The following KCNB2 variants were observed in gnomAD, a reference collection of about 807,000 sequenced individuals.
KCNB2 encodes the protein potassium voltage-gated channel subfamily B member 2.
KCNB2 carries 15 observed loss-of-function variants against 61.5 expected under a neutral mutation model. The ratio of observed to expected loss-of-function variants is 0.24; its 90% CI spans 0.16 to 0.38. KCNB2 has a LOEUF of 0.38. Among genes scored for constraint, KCNB2 ranks in the 10% least tolerant of loss-of-function variants. The pLI is 1.00. For synonymous variants in KCNB2, 457 were observed against 446.0 expected, an observed-to-expected ratio of 1.02 and a Z score of -0.31; for missense variants, 828 against 1,125.2, an observed-to-expected ratio of 0.74 and a Z score of 3.78.
rs1370941213 is a variant in KCNB2 at position 72,859,726 on chromosome 8, T to G, written c.580-76209T>G. ...CATTTCGTTTTTTTTTTTTTTTTTT[T>G]TTTTTTTTTTGAGATGGAGTTTCGC... On this transcript the variant is annotated intron_variant, in intron 2 of 2. Transcript: ENST00000523207. Among the ~76,000 whole-genome samples the G allele has an allele frequency of 2.9e-5, 4 of 139,080 alleles. No individual in the cohort carries two copies. In the South Asian group the frequency reaches 9.8e-4, roughly 34 times the overall value. 91.2% of individuals were successfully genotyped at this position (139,080 alleles called of 152,430 possible). A position where few individuals can be genotyped will look rare whatever the true frequency, so the allele number is the denominator to read the frequency against.
chr8:72,651,840 T>C (rs979509284), intron 2 of KCNB2, among the ~76,000 whole-genome samples: 3 of 152,220 alleles, frequency 2.0e-5, no homozygotes, highest in South Asian at 4.1e-4. Context: ...TGTAACTGTC[T>C]ACTCAATCTC....
intron 2 of KCNB2, among the ~76,000 whole-genome samples, chr8:72,597,552 G>C (rs750909127): frequency 6.6e-6 from 1 of 152,182 alleles, no homozygotes; most frequent in Non-Finnish European, 1.5e-5. Flanking sequence ...TACCATTATA[G>C]AAATTGATTT....
At chr8:72,884,717 TATTTTC>T (rs1805773424) in intron 2 of KCNB2, among the ~76,000 whole-genome samples, 1 of 152,204 alleles carries the variant, frequency 6.6e-6, no homozygotes, top group African/African-American at 2.4e-5. Flanking sequence ...ATCCTATATG[TATTTTC>T]ATGTATGTTT....
chr8:72,629,418 A>T (rs527689991), intron 2 of KCNB2, among the ~76,000 whole-genome samples: 2 of 152,322 alleles, frequency 1.3e-5, no homozygotes, highest in African/African-American at 4.8e-5. Context: ...TGTTTTACAC[A>T]GTATCTCAAT....
chr8:72,598,213 C>G (rs1421620775), intron 2 of KCNB2, among the ~76,000 whole-genome samples: 2 of 152,144 alleles, frequency 1.3e-5, no homozygotes, highest in East Asian at 3.9e-4. Flanking sequence ...AAAATACTGG[C>G]AAACCGAATC....
chr8:72,814,701 T>C (rs907362465), intron 2 of KCNB2, among the ~76,000 whole-genome samples: 1 of 152,222 alleles, frequency 6.6e-6, no homozygotes, highest in Non-Finnish European at 1.5e-5. Context: ...TCATTTAGAT[T>C]GATACTAGGC....
intron 2 of KCNB2, among the ~76,000 whole-genome samples, chr8:72,866,180 T>G (rs1805514586): frequency 6.6e-6 from 1 of 152,196 alleles, no homozygotes; most frequent in Non-Finnish European, 1.5e-5. Flanking sequence ...ACTGTTCTCA[T>G]TGTGAAACTT....
chr8:72,775,948 A>G (rs541122378), intron 2 of KCNB2, among the ~76,000 whole-genome samples: 46 of 152,330 alleles, frequency 3.0e-4, no homozygotes, highest in Admixed American at 1.4e-3. Context: ...AGACACATGC[A>G]CACATATGTT....
At chr8:72,633,600 AG>A (rs1438638659) in intron 2 of KCNB2, among the ~76,000 whole-genome samples, 2 of 152,106 alleles carry the variant, frequency 1.3e-5, no homozygotes, top group Non-Finnish European at 2.9e-5. Context: ...GAAGACTCTG[AG>A]GGATCAGCAC....
intron 2 of KCNB2, among the ~76,000 whole-genome samples, chr8:72,812,455 T>C (rs890188520): frequency 1.3e-5 from 2 of 152,216 alleles, no homozygotes; most frequent in African/African-American, 4.8e-5. Flanking sequence ...ACAGCAGGAA[T>C]ACTTTTTTGT....
intron 2 of KCNB2, among the ~76,000 whole-genome samples, chr8:72,893,998 T>C (rs183401930): frequency 7.3e-4 from 111 of 152,298 alleles, no homozygotes; most frequent in Admixed American, 5.1e-3. Flanking sequence ...GACACAACAG[T>C]GAGCCACAGT....
chr8:72,698,868 A>G (rs999022502), intron 2 of KCNB2, among the ~76,000 whole-genome samples: 2 of 152,198 alleles, frequency 1.3e-5, no homozygotes, highest in Non-Finnish European at 2.9e-5. Flanking sequence ...TTAACTCAAC[A>G]TGAATTAAAC....
intron 2 of KCNB2, among the ~76,000 whole-genome samples, chr8:72,665,445 T>C (rs1359502907): frequency 6.6e-6 from 1 of 152,176 alleles, no homozygotes; most frequent in African/African-American, 2.4e-5. Context: ...TTGTCCCTCC[T>C]ATCCCCATTT....
chr8:72,572,481 A>G (rs1460199201), intron 2 of KCNB2, among the ~76,000 whole-genome samples: 1 of 151,848 alleles, frequency 6.6e-6, no homozygotes, highest in East Asian at 1.9e-4. Context: ...CCCACTCCTC[A>G]ATTTCCTCAT....
intron 2 of KCNB2, among the ~76,000 whole-genome samples, chr8:72,639,416 G>C (rs552836813): frequency 1.3e-5 from 2 of 152,088 alleles, no homozygotes; most frequent in African/African-American, 2.4e-5. Context: ...ATTTTCATAC[G>C]TCTTAATATT....
intron 2 of KCNB2, among the ~76,000 whole-genome samples, chr8:72,790,665 C>G (rs148040121): frequency 6.6e-6 from 1 of 152,090 alleles, no homozygotes; most frequent in South Asian, 2.1e-4. Flanking sequence ...TTTTTTTCTC[C>G]TACTACCTCT....
chr8:72,854,784 G>A (rs939353028), intron 2 of KCNB2, among the ~76,000 whole-genome samples: 18 of 152,098 alleles, frequency 1.2e-4, no homozygotes, highest in African/African-American at 3.9e-4. Context: ...ATAGTAGCAT[G>A]TGCAAAGGCA....
At chr8:72,712,344 C>G (rs1807339562) in intron 2 of KCNB2, among the ~76,000 whole-genome samples, 1 of 152,184 alleles carries the variant, frequency 6.6e-6, no homozygotes, top group African/African-American at 2.4e-5. Flanking sequence ...TCACAGGTTC[C>G]TATTTCACTG....
intron 2 of KCNB2, among the ~76,000 whole-genome samples, chr8:72,922,040 T>A (rs1251542838): frequency 2.0e-5 from 3 of 152,204 alleles, no homozygotes; most frequent in African/African-American, 7.2e-5. Flanking sequence ...CTCTCACAGT[T>A]CTGGAAGCTA....
Sources: gnomAD v4.1 joint callset for allele counts (sites outside exome capture counted in the v4.1 genomes callset) on GRCh38, gnomAD v4.1.1 for gene constraint, MANE v1.5 for transcripts, NCBI Gene and HGNC (gene_info 2026-07-23, HGNC 2026-07-21) for gene names.